Variants in CIROZ observed in about 807,000 individuals in gnomAD.
CIROZ encodes the protein ciliated left-right organizer protein containing ZP-N domains, also known as ciliated left-right organizer ZP-N domains-containing protein.
chr1:10,964,970 A>G, the CIROZ span, among the ~76,000 whole-genome samples: 1 of 152,134 alleles, frequency 6.6e-6, no homozygotes. Context: ...CATTTTACAG[A>G]TGAGGCAGTT....
chr1:10,981,957 G>T, the CIROZ span: 2 of 1,528,390 alleles, frequency 1.3e-6, no homozygotes, highest in Non-Finnish European at 1.8e-6. Flanking sequence ...CAAGGAGTGT[G>T]GGCACACTAA....
At chr1:10,964,300 A>C in the CIROZ span, 2 of 1,580,436 alleles carry the variant, frequency 1.3e-6, no homozygotes, top group African/African-American at 2.7e-5. Flanking sequence ...TCATGTATGC[A>C]AATGAGAGAG....
the CIROZ span, among the ~76,000 whole-genome samples, chr1:10,967,441 T>C: frequency 6.6e-6 from 1 of 152,196 alleles, no homozygotes; most frequent in East Asian, 1.9e-4. Context: ...GCCTTCTCCA[T>C]GAAGCCCACC....
the CIROZ span, chr1:10,957,540 G>T: frequency 6.4e-7 from 1 of 1,569,504 alleles, no homozygotes; most frequent in Non-Finnish European, 8.6e-7. Flanking sequence ...CACTGGAGGG[G>T]TGGCAACCTG....
the CIROZ span, among the ~76,000 whole-genome samples, chr1:10,968,033 C>A: frequency 6.6e-6 from 1 of 151,956 alleles, no homozygotes; most frequent in Non-Finnish European, 1.5e-5. Context: ...TGGGGGGGCA[C>A]CTGTAGTCCC....
the CIROZ span, among the ~76,000 whole-genome samples, chr1:10,967,322 T>C: frequency 6.8e-4 from 103 of 152,028 alleles, no homozygotes; most frequent in African/African-American, 2.4e-3. Context: ...CCAGGCCCAG[T>C]CCTGCCTCAG....
chr1:10,969,759 C>T, the CIROZ span, among the ~76,000 whole-genome samples: 3 of 152,066 alleles, frequency 2.0e-5, no homozygotes, highest in African/African-American at 7.3e-5. Flanking sequence ...AGGAGATCAT[C>T]TTACTAGTGA....
At chr1:10,952,767 C>T in the CIROZ span, among the ~76,000 whole-genome samples, 11 of 152,356 alleles carry the variant, frequency 7.2e-5, no homozygotes, top group South Asian at 1.0e-3. Flanking sequence ...CCACCTTGGC[C>T]TCCCAAAGTG....
chr1:10,951,791 T>C, the CIROZ span, among the ~76,000 whole-genome samples: 1 of 147,210 alleles, frequency 6.8e-6, no homozygotes, highest in Non-Finnish European at 1.5e-5. Flanking sequence ...CACACACATA[T>C]GAAAACAACT....
the CIROZ span, among the ~76,000 whole-genome samples, chr1:10,950,265 C>A: frequency 6.6e-6 from 1 of 152,040 alleles, no homozygotes; most frequent in Non-Finnish European, 1.5e-5. Flanking sequence ...GAACTCCCGA[C>A]CTCAAATGAT....
the CIROZ span, chr1:10,953,981 TGTTACCAGCA>T: frequency 6.3e-7 from 1 of 1,586,688 alleles, no homozygotes; most frequent in African/African-American, 1.3e-5. Flanking sequence ...GGTGTGTGCC[TGTTACCAGCA>T]GTCACACCCT....
At chr1:10,963,258 A>G in the CIROZ span, among the ~76,000 whole-genome samples, 20 of 152,028 alleles carry the variant, frequency 1.3e-4, no homozygotes. Context: ...GCATGGTGGC[A>G]CACACCTCTA....
At chr1:10,967,372 T>C in the CIROZ span, among the ~76,000 whole-genome samples, 355 of 151,996 alleles carry the variant, frequency 2.3e-3, 3 homozygotes, top group African/African-American at 8.3e-3. Flanking sequence ...GGAACTCTCT[T>C]CTCCTAGATA....
the CIROZ span, among the ~76,000 whole-genome samples, chr1:10,956,477 C>CT: frequency 0.07 from 9,778 of 139,666 alleles, 475 homozygotes; most frequent in Non-Finnish European, 0.11. Context: ...GATGATTTTA[C>CT]TTTTTTTTTT....
At chr1:10,970,825 A>G in the CIROZ span, among the ~76,000 whole-genome samples, 1 of 151,334 alleles carries the variant, frequency 6.6e-6, no homozygotes, top group Non-Finnish European at 1.5e-5. Flanking sequence ...AGGGGGAGAC[A>G]GGGAGCAAGG....
chr1:10,957,494 A>G, the CIROZ span: 81,546 of 1,442,466 alleles, frequency 0.057, 3,450 homozygotes, highest in East Asian at 0.2. Context: ...CGCCTGCCTA[A>G]ATCTGTCCAG....
At chr1:10,958,329 C>T in the CIROZ span, among the ~76,000 whole-genome samples, 1 of 152,180 alleles carries the variant, frequency 6.6e-6, no homozygotes, top group Non-Finnish European at 1.5e-5. Context: ...ACTCAAAGGA[C>T]CAGCAGAAGG....
chr1:10,947,754 G>C, the CIROZ span: 3 of 1,591,560 alleles, frequency 1.9e-6, no homozygotes, highest in Non-Finnish European at 2.6e-6. Context: ...GGTGGGCTCT[G>C]TCAGCTCCTG....
At chr1:10,960,117 G>C in the CIROZ span, among the ~76,000 whole-genome samples, 5 of 152,234 alleles carry the variant, frequency 3.3e-5, no homozygotes, top group Non-Finnish European at 7.3e-5. The surrounding 1 kb of genome is among the most constrained non-coding windows in gnomAD (Gnocchi z 4.6). Context: ...GCCAGGTGCA[G>C]TGGCTCATGC....
Sources: gnomAD v4.1 joint callset for allele counts (sites outside exome capture counted in the v4.1 genomes callset) on GRCh38, gnomAD v4.1.1 for gene constraint, Gnocchi (gnomAD v3.1) non-coding constraint, MANE v1.5 for transcripts, NCBI Gene and HGNC (gene_info 2026-07-23, HGNC 2026-07-21) for gene names.